The following MAD2L1 variants were observed in gnomAD, a reference collection of about 807,000 sequenced individuals.
MAD2L1 encodes mitotic spindle assembly checkpoint protein MAD2A.
MAD2L1 carries 10 observed loss-of-function variants against 25.9 expected under a neutral mutation model. The ratio of observed to expected loss-of-function variants is 0.39; its 90% CI spans 0.24 to 0.66. The LOEUF (loss-of-function observed/expected upper bound fraction) is 0.66. MAD2L1 is among the 30% of genes least tolerant of loss of function. The probability of loss-of-function intolerance (pLI) is 0.49; values close to 1 mark genes in which losing one functional copy is unlikely to be tolerated. For missense variants in MAD2L1, 180 were observed against 246.4 expected (o/e 0.73, Z 1.80); for synonymous variants, 81 against 91.8 (o/e 0.88, Z 0.67).
At position 120,057,756 on chromosome 4, in the gene MAD2L1, G is replaced by A. The variant is rs536814104; in HGVS notation, c.*2362C>T. 1.3e-5 allele frequency: 2 copies of A among 152,350 alleles called. No individual in the cohort carries two copies. Among genetic ancestry groups the A allele is most frequent in the South Asian group, 4.1e-4 (2 of 4,832 alleles). The allele number at this position is 152,350 out of a possible 1,614,324, so 9.4% of individuals were successfully genotyped here. ...GGTAAGCCTCAAGGTCTAGAAAGAG[G>A]ATGGGACAGTCCACTTGGAGCTACA... On this transcript the variant is annotated 3_prime_UTR_variant, in exon 5 of 5. Transcript: ENST00000296509.
intron 4 of MAD2L1, 81 bp from the exon 5 acceptor site, chr4:120,060,371 C>T: frequency 8.7e-7 from 1 of 1,148,780 alleles, no homozygotes; most frequent in Non-Finnish European, 1.2e-6. Flanking sequence ...TATTTTGAAC[C>T]ACTCACTGCT....
chr4:120,063,260 C>T (rs1726255692), intron 2 of MAD2L1, among the ~76,000 whole-genome samples: 2 of 152,140 alleles, frequency 1.3e-5, no homozygotes, highest in African/African-American at 4.8e-5. Flanking sequence ...GGTCAGAGAT[C>T]ACCTATAGAG....
At chr4:120,062,938 G>C (rs1335548966) in intron 2 of MAD2L1, among the ~76,000 whole-genome samples, 1 of 152,220 alleles carries the variant, frequency 6.6e-6, no homozygotes, top group African/African-American at 2.4e-5. Context: ...AGATTTAAGA[G>C]ATTTCATGGT....
In MAD2L1 at chr4:120,066,810, G is replaced by T. The variant is rs932185687; in HGVS notation, c.-76C>A. On this transcript the variant is annotated 5_prime_UTR_variant, in exon 1 of 5. Coordinates refer to ENST00000296509, the MANE Select transcript of MAD2L1 (RefSeq NM_002358.4). ...ACAGCGGCTCCAACAGCACTTCCCCGCCAAGCGTTTCAAAAGTAACGACGC... is the reference window on the plus strand; with the variant it reads ...ACAGCGGCTCCAACAGCACTTCCCCTCCAAGCGTTTCAAAAGTAACGACGC... The T allele has an allele frequency of 1.8e-6, 2 of 1,105,540 alleles. No homozygotes were observed. The highest frequency in any genetic ancestry group is 1.4e-5 in the South Asian group (1 of 73,002). 68.5% of individuals were successfully genotyped at this position (1,105,540 alleles called of 1,614,324 possible).
At chr4:120,060,364 T>G (rs2110507984) in intron 4 of MAD2L1, 74 bp from the exon 5 acceptor site, 1 of 1,238,832 alleles carries the variant, frequency 8.1e-7, no homozygotes, top group Non-Finnish European at 1.1e-6. Flanking sequence ...TCTCTTCTAT[T>G]TTGAACCACT....
intron 3 of MAD2L1, among the ~76,000 whole-genome samples, chr4:120,061,429 A>C (rs1183576647): frequency 6.6e-6 from 1 of 152,204 alleles, no homozygotes; most frequent in Non-Finnish European, 1.5e-5. Context: ...ATAAGCTAAA[A>C]ATTTCCTAAA....
In MAD2L1 at chr4:120,056,718, T is replaced by C. The variant is rs575203659; in HGVS notation, c.*3400A>G. ...AATAGGCATGGGCTCTTTATCCTAT[T>C]GTGAGTCTCATAAAAAGGGTCTCTT... On this transcript the variant is annotated 3_prime_UTR_variant, in exon 5 of 5. Coordinates refer to ENST00000296509, the MANE Select transcript of MAD2L1 (RefSeq NM_002358.4). 5.3e-5 allele frequency: 8 copies of C among 152,330 alleles called. No individual in the cohort carries two copies. The highest frequency in any genetic ancestry group is 1.9e-4 in the African/African-American group (8 of 41,570). The allele number at this position is 152,330 out of a possible 1,614,324, so 9.4% of individuals were successfully genotyped here.
chr4:120,066,150 G>A (rs1056662613), intron 1 of MAD2L1, among the ~76,000 whole-genome samples: 38 of 152,078 alleles, frequency 2.5e-4, no homozygotes, highest in African/African-American at 8.9e-4. Flanking sequence ...TTGCATTCGA[G>A]TTAGCAACTG....
chr4:120,062,613 G>A lies in MAD2L1; in HGVS notation c.221-518C>T, dbSNP rs571065534. On this transcript the variant is annotated intron_variant, in intron 2 of 4. Transcript: ENST00000296509. ...GAGGGCTGGAAGCAGCCCACTACAA[G>A]TGCAATCAAGAAACAAACAAACAAA... is the stretch of plus-strand genomic sequence containing the variant. 9.2e-5 allele frequency among the ~76,000 whole-genome samples: 14 copies of A among 152,274 alleles called. No homozygotes were observed. In the South Asian group the frequency reaches 1.7e-3, roughly 18 times the overall value.
At position 120,062,849 on chromosome 4, in the gene MAD2L1, T is replaced by C. The variant is rs1206656613; in HGVS notation, c.221-754A>G. 9.9e-5 allele frequency among the ~76,000 whole-genome samples: 15 copies of C among 152,146 alleles called. 1 individual carries two copies. The highest frequency in any genetic ancestry group is 9.8e-4 in the Admixed American group (15 of 15,262). On this transcript the variant is annotated intron_variant, in intron 2 of 4. Coordinates refer to ENST00000296509, the MANE Select transcript of MAD2L1 (RefSeq NM_002358.4). ...TGTTAAAGAGGGGATCTAGAGACAC[T>C]AGTTAGTCAATCAGTAATTCAAGCA...
Position 120,058,470 on chromosome 4 carries a change from A to G in MAD2L1, c.*1648T>C, listed in dbSNP as rs1235680792. 1 of 152,132 alleles carries G rather than the reference A, an allele frequency of 6.6e-6. No individual in the cohort carries two copies. Among genetic ancestry groups the G allele is most frequent in the Non-Finnish European group, 1.5e-5 (1 of 68,088 alleles). The allele number at this position is 152,132 out of a possible 1,614,324, so 9.4% of individuals were successfully genotyped here. Reference sequence around the variant, plus strand: ...CATGGTGAAACCCTCTCTCTACTAAAAATATAAAAATTAGCCAGGTGTGGT... The same window carrying G: ...CATGGTGAAACCCTCTCTCTACTAAGAATATAAAAATTAGCCAGGTGTGGT... On this transcript the variant is annotated 3_prime_UTR_variant, in exon 5 of 5. Transcript: ENST00000296509.
At chr4:120,061,913 G>T in intron 3 of MAD2L1, 62 bp downstream of exon 3, 1 of 1,292,822 alleles carries the variant, frequency 7.7e-7, no homozygotes, top group East Asian at 2.7e-5. Flanking sequence ...AACTCAATTA[G>T]TAATAAAAAC....
intron 2 of MAD2L1, among the ~76,000 whole-genome samples, chr4:120,064,530 GT>G (rs1182876947): frequency 6.6e-6 from 1 of 152,170 alleles, no homozygotes. Flanking sequence ...GGCCATAGTT[GT>G]TGGTAAACAT....
intron 2 of MAD2L1, among the ~76,000 whole-genome samples, chr4:120,062,372 C>G (rs1317879849): frequency 6.6e-6 from 1 of 152,130 alleles, no homozygotes; most frequent in Non-Finnish European, 1.5e-5. Context: ...GGGCATTAAT[C>G]TACTCATCAC....
chr4:120,066,764 T>C lies in MAD2L1; in HGVS notation c.-30A>G, dbSNP rs750202365. 3 of 1,556,342 alleles carry C rather than the reference T, an allele frequency of 1.9e-6. No individual in the cohort carries two copies. The highest frequency in any genetic ancestry group is 2.6e-6 in the Non-Finnish European group (3 of 1,133,586). On this transcript the variant is annotated 5_prime_UTR_variant, in exon 1 of 5. Coordinates refer to ENST00000296509, the MANE Select transcript of MAD2L1 (RefSeq NM_002358.4). ...AGGGACACAAACAAAAGCACGCGCT[T>C]CCACTCCGCGGACAGCAACCACAGC...
chr4:120,062,233 G>T, intron 2 of MAD2L1, 138 bp from the exon 3 acceptor site: 1 of 679,170 alleles, frequency 1.5e-6, no homozygotes, highest in Non-Finnish European at 2.5e-6. Context: ...AAGAAAATTT[G>T]CACCATCAAT....
chr4:120,055,720 C>T lies in MAD2L1; in HGVS notation c.*4398G>A, dbSNP rs1025901290. 6 of 151,862 alleles carry T rather than the reference C, an allele frequency of 4.0e-5. No homozygotes were observed. Among genetic ancestry groups the T allele is most frequent in the Non-Finnish European group, 5.9e-5 (4 of 67,968 alleles). The allele number at this position is 151,862 out of a possible 1,614,324, so 9.4% of individuals were successfully genotyped here. A position where few individuals can be genotyped will look rare whatever the true frequency, so the allele number is the denominator to read the frequency against. ...ATAAGAAATTATTTACAAGTTAAGC[C>T]GCAAACAATTCACCAAAAACTGAGT... On this transcript the variant is annotated 3_prime_UTR_variant, in exon 5 of 5. Transcript: ENST00000296509.
intron 2 of MAD2L1, among the ~76,000 whole-genome samples, chr4:120,063,687 A>G (rs552750598): frequency 8.6e-4 from 131 of 152,336 alleles, no homozygotes; most frequent in African/African-American, 2.9e-3. Flanking sequence ...GAAAAAGGCT[A>G]GAGGAAATTA....
At chr4:120,060,352 C>A in intron 4 of MAD2L1, 62 bp from the exon 5 acceptor site, 2 of 1,350,520 alleles carry the variant, frequency 1.5e-6, no homozygotes, top group South Asian at 1.6e-5. Context: ...AATCTTGCTG[C>A]CTCTCTTCTA....
Sources: gnomAD v4.1 joint callset for allele counts (sites outside exome capture counted in the v4.1 genomes callset) on GRCh38, gnomAD v4.1.1 for gene constraint, MANE v1.5 for transcripts, NCBI Gene and HGNC (gene_info 2026-07-23, HGNC 2026-07-21) for gene names.